The following DAPK1 variants were observed in gnomAD, a reference collection of about 807,000 sequenced individuals.
DAPK1 encodes the protein death-associated protein kinase 1.
DAPK1 carries 56 observed loss-of-function variants against 144.9 expected under a neutral mutation model. The observed-to-expected ratio is 0.39, with a 90% CI of 0.31 to 0.48. The LOEUF (loss-of-function observed/expected upper bound fraction) is 0.48, where lower values mean the gene tolerates loss of function less well. Ranked by LOEUF, DAPK1 falls within the 20% of genes least tolerant of loss-of-function variation. The probability of loss-of-function intolerance (pLI) is 0.95; values close to 1 mark genes in which losing one functional copy is unlikely to be tolerated. For synonymous variants in DAPK1, 690 were observed against 749.0 expected, an observed-to-expected ratio of 0.92 and a Z score of 1.29; for missense variants, 1,454 against 1,875.4, an observed-to-expected ratio of 0.78 and a Z score of 4.15.
At position 87,707,264 on chromosome 9, in the gene DAPK1, T is replaced by C. The variant is rs769895170; in HGVS notation, c.4193T>C (p.Val1398Ala). The C allele has an allele frequency of 1.2e-6, 2 of 1,614,110 alleles. No individual in the cohort carries two copies. The highest frequency in any genetic ancestry group is 1.7e-5 in the Admixed American group (1 of 60,016). ...GACTTTTTGCTGAAGGCATCCTCTG[T>C]GTTCAAAATCAACCTGGATGGCAAT... ...AADFLLKASS[V>A]FKINLDGNGQ... The change falls in exon 26 of 26, where the codon GTG (valine) becomes GCG (alanine). Residue 1398 changes from valine (V) to alanine (A), a missense_variant. Coordinates refer to ENST00000408954, the MANE Select transcript of DAPK1 (RefSeq NM_004938.4). This position sits in a 1 kb window ranked among gnomAD's most constrained non-coding sequence, Gnocchi z 4.0.
At chr9:87,583,371 T>G (rs1316807286) in intron 2 of DAPK1, among the ~76,000 whole-genome samples, 1 of 152,164 alleles carries the variant, frequency 6.6e-6, no homozygotes, top group Admixed American at 6.5e-5. Context: ...ATATTTAAAC[T>G]TGCCACTAGG....
intron 2 of DAPK1, among the ~76,000 whole-genome samples, chr9:87,514,765 A>G (rs1207093006): frequency 6.6e-6 from 1 of 152,226 alleles, no homozygotes. Flanking sequence ...CAGCAGGGAG[A>G]CTTGTCATGA....
intron 2 of DAPK1, among the ~76,000 whole-genome samples, chr9:87,511,668 T>G (rs368795126): frequency 2.4e-4 from 34 of 140,744 alleles, no homozygotes; most frequent in African/African-American, 6.9e-4. Context: ...TCTTTTTCTT[T>G]TGTGTGTGTG....
chr9:87,706,000 T>G, intron 25 of DAPK1, 132 bp from the exon 26 acceptor site: 1 of 620,584 alleles, frequency 1.6e-6, no homozygotes, highest in South Asian at 2.6e-5. Context: ...CCACGTGGAA[T>G]GGCCTTGGGT....
intron 2 of DAPK1, among the ~76,000 whole-genome samples, chr9:87,544,480 GCATGCATA>G (rs1826165938): frequency 6.6e-6 from 1 of 152,200 alleles, no homozygotes; most frequent in Admixed American, 6.5e-5. Flanking sequence ...ATGTGTGTAT[GCATGCATA>G]CATACACACT....
intron 2 of DAPK1, among the ~76,000 whole-genome samples, chr9:87,543,934 AAAAC>A (rs1193102276): frequency 6.6e-6 from 1 of 152,196 alleles, no homozygotes; most frequent in African/African-American, 2.4e-5. Context: ...GTCATATTTA[AAAAC>A]AAACATGTTG....
intron 2 of DAPK1, among the ~76,000 whole-genome samples, chr9:87,561,784 T>C (rs962560726): frequency 6.6e-6 from 1 of 152,166 alleles, no homozygotes; most frequent in Non-Finnish European, 1.5e-5. Context: ...TGGGGCTGTG[T>C]GTGGACAGTG....
chr9:87,570,236 TACACAAGAC>T (rs1181474857), intron 2 of DAPK1, among the ~76,000 whole-genome samples: 1 of 152,228 alleles, frequency 6.6e-6, no homozygotes, highest in Non-Finnish European at 1.5e-5. Flanking sequence ...CTCCCATATG[TACACAAGAC>T]ACACTTCATT....
At chr9:87,575,770 T>G (rs1318135418) in intron 2 of DAPK1, among the ~76,000 whole-genome samples, 2 of 152,170 alleles carry the variant, frequency 1.3e-5, no homozygotes, top group African/African-American at 4.8e-5. Flanking sequence ...AAGTATTCCC[T>G]TTAGAAAAGA....
At chr9:87,667,446 T>C (rs2119269940) in intron 18 of DAPK1, among the ~76,000 whole-genome samples, 1 of 152,282 alleles carries the variant, frequency 6.6e-6, no homozygotes, top group African/African-American at 2.4e-5. Context: ...TGCCACCTAG[T>C]GTGTAGAAAC....
chr9:87,499,221 T>G, intron 2 of DAPK1, 82 bp downstream of exon 2: 1 of 1,210,884 alleles, frequency 8.3e-7, no homozygotes, highest in South Asian at 1.2e-5. Flanking sequence ...ACAAATGCAG[T>G]TTGAATCAGG....
intron 2 of DAPK1, among the ~76,000 whole-genome samples, chr9:87,602,914 C>A (rs1033956619): frequency 6.8e-6 from 1 of 148,072 alleles, no homozygotes; most frequent in African/African-American, 2.6e-5. Context: ...CTTTCTCTGT[C>A]TCTCTGTTTC....
chr9:87,585,846 A>G (rs1258099494), intron 2 of DAPK1, among the ~76,000 whole-genome samples: 1 of 151,878 alleles, frequency 6.6e-6, no homozygotes, highest in Non-Finnish European at 1.5e-5. Flanking sequence ...CTGGGGTTCA[A>G]ACACTCAGAA....
chr9:87,651,816 G>A, intron 17 of DAPK1, 92 bp downstream of exon 17: 1 of 1,144,694 alleles, frequency 8.7e-7, no homozygotes, highest in South Asian at 1.4e-5. Context: ...CCTGATCCCA[G>A]GTCCTGATTC....
chr9:87,639,342 CTT>C lies in DAPK1; in HGVS notation c.424-6_424-5del. The stretch of plus-strand genomic sequence containing the variant: ...ATCATAGCTTTTTATTTATCTCTCT[CTT>C]TTTTTCAAGCCTGAGAACATAATGC... On this transcript the variant is annotated splice_polypyrimidine_tract_variant and intron_variant, in intron 4 of 25. Transcript: ENST00000408954. 6.3e-7 allele frequency: 1 copy of C among 1,584,530 alleles called. No individual in the cohort carries two copies.
chr9:87,509,601 CCG>C (rs1824753211), intron 2 of DAPK1, among the ~76,000 whole-genome samples: 1 of 152,192 alleles, frequency 6.6e-6, no homozygotes, highest in Non-Finnish European at 1.5e-5. Context: ...CTTAGGTGAT[CCG>C]CCCGCCTCGG....
At chr9:87,618,907 C>T (rs558770250) in intron 3 of DAPK1, among the ~76,000 whole-genome samples, 6 of 152,232 alleles carry the variant, frequency 3.9e-5, no homozygotes, top group South Asian at 4.2e-4. Flanking sequence ...TTGTATGGTG[C>T]GTGAATTATA....
In DAPK1 at chr9:87,686,588, G is replaced by C; in HGVS notation, c.2262G>C (p.Glu754Asp). The change falls in exon 21 of 26, where the codon GAG becomes GAC. Residue 754 changes from glutamate (E) to aspartate (D), a missense_variant. By Grantham distance (45) the Glu-to-Asp change is conservative. Coordinates refer to ENST00000408954, the MANE Select transcript of DAPK1 (RefSeq NM_004938.4). The surrounding 1 kb of genome is among the most constrained non-coding windows in gnomAD (Gnocchi z 4.2). ...VSINNLYPGC[E>D]NVSVRSRSMM... ...TCAACAACCTGTACCCAGGCTGCGA[G>C]AACGTGAGTGTGAGGAGCCGCAGCA... 1 of 1,594,258 alleles carries C rather than the reference G, an allele frequency of 6.3e-7. No homozygotes were observed. The highest frequency in any genetic ancestry group is 8.6e-7 in the Non-Finnish European group (1 of 1,169,456).
intron 20 of DAPK1, among the ~76,000 whole-genome samples, chr9:87,682,543 G>A (rs1448782980): frequency 6.6e-6 from 1 of 152,186 alleles, no homozygotes. Context: ...GAGGACGCTG[G>A]GGAGCATGGG....
Sources: gnomAD v4.1 joint callset for allele counts (sites outside exome capture counted in the v4.1 genomes callset) on GRCh38, gnomAD v4.1.1 for gene constraint, Gnocchi (gnomAD v3.1) non-coding constraint, MANE v1.5 for transcripts, NCBI Gene and HGNC (gene_info 2026-07-23, HGNC 2026-07-21) for gene names.